The following AKR1B1 variants were observed in gnomAD, a reference collection of about 807,000 sequenced individuals.
AKR1B1 encodes aldo-keto reductase family 1 member B1.
Under a neutral mutation model 40.4 loss-of-function variants are expected in AKR1B1, and 22 were observed. The observed-to-expected ratio is 0.54, with a 90% confidence interval of 0.39 to 0.78. The LOEUF is 0.78. Ranked by LOEUF, AKR1B1 falls within the 30% of genes least tolerant of loss-of-function variation. The pLI is 0.00. For synonymous variants in AKR1B1, 157 were observed against 149.9 expected (o/e 1.05, Z -0.35); for missense variants, 357 against 396.7 (o/e 0.90, Z 0.85).
At chr7:134,449,826 AAAAC>A in intron 3 of AKR1B1, 29 bp from the exon 4 acceptor site, 1 of 1,591,362 alleles carries the variant, frequency 6.3e-7, no homozygotes, top group African/African-American at 1.3e-5. Flanking sequence ...ACAAACAAAC[AAAAC>A]AATCAGTAAT....
At chr7:134,446,056 T>C (rs1293776823) in intron 8 of AKR1B1, among the ~76,000 whole-genome samples, 1 of 152,222 alleles carries the variant, frequency 6.6e-6, no homozygotes, top group Non-Finnish European at 1.5e-5. Context: ...ACAGGCTCTG[T>C]GGTTATGATC....
At chr7:134,445,917 T>A (rs2551472) in intron 8 of AKR1B1, among the ~76,000 whole-genome samples, 1 of 152,078 alleles carries the variant, frequency 6.6e-6, no homozygotes, top group Non-Finnish European at 1.5e-5. Context: ...TCAGCTGGCA[T>A]GGAGGCTGGG....
intron 1 of AKR1B1, among the ~76,000 whole-genome samples, chr7:134,456,478 T>G (rs1370588205): frequency 2.0e-5 from 3 of 151,524 alleles, no homozygotes; most frequent in African/African-American, 7.3e-5. Context: ...GGGTTACAGG[T>G]GTGAGCCACC....
intron 1 of AKR1B1, 83 bp downstream of exon 1, chr7:134,458,914 G>C: frequency 6.8e-7 from 1 of 1,465,026 alleles, no homozygotes; most frequent in Non-Finnish European, 9.3e-7. Context: ...GAGCTGCTCA[G>C]GGTCACTCGG....
chr7:134,449,429 A>C (rs939011334), intron 4 of AKR1B1: 1 of 559,398 alleles, frequency 1.8e-6, no homozygotes, highest in Non-Finnish European at 3.2e-6. Flanking sequence ...TACTAAAAAT[A>C]CAAAAAAATT....
intron 3 of AKR1B1, among the ~76,000 whole-genome samples, chr7:134,450,545 C>T (rs1042159472): frequency 6.6e-6 from 1 of 152,192 alleles, no homozygotes; most frequent in Non-Finnish European, 1.5e-5. Flanking sequence ...CAGTGCTCCT[C>T]AAACTTTGAA....
At chr7:134,449,479 C>T (rs1311640524) in intron 4 of AKR1B1, 2 of 580,854 alleles carry the variant, frequency 3.4e-6, no homozygotes, top group Admixed American at 3.0e-5. Context: ...CCCAGCTACT[C>T]AGGAGGCTGA....
chr7:134,448,528 T>C, intron 5 of AKR1B1, 35 bp from the exon 6 acceptor site: 1 of 1,520,888 alleles, frequency 6.6e-7, no homozygotes. Context: ...ATGGGAGCAC[T>C]GTGGCTACAC....
chr7:134,446,733 C>G (rs1806110180), intron 8 of AKR1B1, among the ~76,000 whole-genome samples: 1 of 152,214 alleles, frequency 6.6e-6, no homozygotes, highest in African/African-American at 2.4e-5. Context: ...ATCACACGAA[C>G]TCCTTGCAGA....
intron 9 of AKR1B1, among the ~76,000 whole-genome samples, chr7:134,443,587 G>A (rs892393196): frequency 1.3e-5 from 2 of 151,440 alleles, no homozygotes; most frequent in African/African-American, 4.9e-5. Context: ...CACAGGGCAG[G>A]GAGCACATGG....
chr7:134,443,060 T>C (rs1276293211), intron 9 of AKR1B1, among the ~76,000 whole-genome samples: 1 of 152,196 alleles, frequency 6.6e-6, no homozygotes, highest in Non-Finnish European at 1.5e-5. Context: ...ATTTCTGCCT[T>C]CCAGTAACTC....
chr7:134,456,202 T>C (rs1000815390), intron 1 of AKR1B1, among the ~76,000 whole-genome samples: 3 of 152,068 alleles, frequency 2.0e-5, no homozygotes, highest in Admixed American at 1.3e-4. Flanking sequence ...AAGGTTTTTT[T>C]GTTTGGTTGT....
At chr7:134,447,174 C>G in intron 8 of AKR1B1, 124 bp downstream of exon 8, 2 of 915,462 alleles carry the variant, frequency 2.2e-6, no homozygotes, top group Non-Finnish European at 3.5e-6. Flanking sequence ...CTCGCCACAG[C>G]TCCCTGGCCT....
chr7:134,451,691 G>A lies in AKR1B1; in HGVS notation c.129C>T (p.Ile43=), dbSNP rs528767509. The A allele has an allele frequency of 1.3e-5, 21 of 1,614,158 alleles. No individual in the cohort carries two copies. The highest frequency in any genetic ancestry group is 5.5e-5 in the South Asian group (5 of 91,078). ...KVAIDVGYRH[I]DCAHVYQNEN... ...CATTCTGGTACACATGGGCACAGTC[G>A]ATGTGGCGGTACCCGACGTCAATGG... Residue 43 remains isoleucine (I), a synonymous_variant, in exon 2 of 10, where the codon ATC becomes ATT. Coordinates refer to ENST00000285930, the MANE Select transcript of AKR1B1 (RefSeq NM_001628.4).
chr7:134,449,864 G>A (rs1429178182), intron 3 of AKR1B1, 67 bp from the exon 4 acceptor site: 3 of 1,332,944 alleles, frequency 2.3e-6, no homozygotes, highest in African/African-American at 2.9e-5. Context: ...CCTGCTGGGG[G>A]AAGCTGGCAT....
chr7:134,449,278 G>A (rs1294541293), intron 4 of AKR1B1, 159 bp from the exon 5 acceptor site: 4 of 1,063,130 alleles, frequency 3.8e-6, no homozygotes, highest in Non-Finnish European at 5.7e-6. Context: ...AGCCAGGCTG[G>A]CTTTAATGAG....
chr7:134,442,507 C>A lies in AKR1B1; in HGVS notation c.*221G>T. 1 of 538,868 alleles carries A rather than the reference C, an allele frequency of 1.9e-6. No individual in the cohort carries two copies. Among genetic ancestry groups the A allele is most frequent in the Non-Finnish European group, 3.3e-6 (1 of 299,368 alleles). The allele number at this position is 538,868 out of a possible 1,614,324, so 33.4% of individuals were successfully genotyped here. A position where few individuals can be genotyped will look rare whatever the true frequency, so the allele number is the denominator to read the frequency against. ...AAAAGGGTATTCAGGTTGTACTTTC[C>A]CCAGCAGGGTAGAAAGAAGGGCAAA... On this transcript the variant is annotated 3_prime_UTR_variant, in exon 10 of 10. Coordinates refer to ENST00000285930, the MANE Select transcript of AKR1B1 (RefSeq NM_001628.4).
intron 9 of AKR1B1, 146 bp downstream of exon 9, chr7:134,445,092 A>AC: frequency 1.3e-6 from 1 of 748,022 alleles, no homozygotes; most frequent in East Asian, 2.7e-5. Flanking sequence ...GATGCAAGTC[A>AC]CGTGGCTGAG....
intron 1 of AKR1B1, 64 bp downstream of exon 1, chr7:134,458,933 G>T (rs964864365): frequency 4.6e-6 from 7 of 1,537,118 alleles, no homozygotes; most frequent in Non-Finnish European, 5.3e-6. Context: ...GGGGTCCCTC[G>T]CCAATACAGG....
Sources: gnomAD v4.1 joint callset for allele counts (sites outside exome capture counted in the v4.1 genomes callset) on GRCh38, gnomAD v4.1.1 for gene constraint, MANE v1.5 for transcripts, NCBI Gene and HGNC (gene_info 2026-07-23, HGNC 2026-07-21) for gene names.